The following SEPTIN14 variants were observed in gnomAD, a reference collection of about 807,000 sequenced individuals.
SEPTIN14 encodes the protein septin-14.
In SEPTIN14, 40 loss-of-function variants were observed where a neutral mutation model predicts 53.6. The observed-to-expected ratio is 0.75, with a 90% CI of 0.58 to 0.97. The LOEUF is 0.97. Among genes scored for constraint, SEPTIN14 ranks in the 50% least tolerant of loss-of-function variants. SEPTIN14 has a pLI of 0.00. For synonymous variants in SEPTIN14, 138 were observed against 166.8 expected, an observed-to-expected ratio of 0.83 and a Z score of 1.33; for missense variants, 471 against 508.2, an observed-to-expected ratio of 0.93 and a Z score of 0.70.
rs1788413022 is a variant in SEPTIN14, at chr7:55,795,395, AC to A, written c.*517del. 1 of 156,440 alleles carries A rather than the reference AC, an allele frequency of 6.4e-6. No individual in the cohort carries two copies. The highest frequency in any genetic ancestry group is 2.4e-5 in the African/African-American group (1 of 41,314). The allele number at this position is 156,440 out of a possible 1,614,324, so 9.7% of individuals were successfully genotyped here. ...TTGAAAGTCATATTTGTGTTAGTGTACGTCCTAAGTGCCAAGATACAGAATC... is the reference window on the plus strand; with the variant it reads ...TTGAAAGTCATATTTGTGTTAGTGTAGTCCTAAGTGCCAAGATACAGAATC... On this transcript the variant is annotated 3_prime_UTR_variant, in exon 10 of 10. Coordinates refer to ENST00000388975, the MANE Select transcript of SEPTIN14 (RefSeq NM_207366.3).
chr7:55,796,472 A>T (rs1269428133), intron 9 of SEPTIN14, among the ~76,000 whole-genome samples: 1 of 151,952 alleles, frequency 6.6e-6, no homozygotes, highest in Non-Finnish European at 1.5e-5. Flanking sequence ...CATGTTGGCC[A>T]GGCTGGTCTT....
At chr7:55,815,237 C>T (rs1032622043) in intron 7 of SEPTIN14, among the ~76,000 whole-genome samples, 2 of 152,014 alleles carry the variant, frequency 1.3e-5, no homozygotes, top group African/African-American at 4.8e-5. Flanking sequence ...GTGAGTAATA[C>T]CCCACAAGCA....
intron 6 of SEPTIN14, among the ~76,000 whole-genome samples, chr7:55,832,297 T>A (rs1341788448): frequency 6.6e-6 from 1 of 151,910 alleles, no homozygotes; most frequent in Non-Finnish European, 1.5e-5. Context: ...GAATAATGAA[T>A]GCTTATTCAC....
chr7:55,843,411 C>G (rs531167994), intron 4 of SEPTIN14, among the ~76,000 whole-genome samples: 452 of 152,212 alleles, frequency 3.0e-3, no homozygotes, highest in Non-Finnish European at 4.5e-3. Flanking sequence ...ACAACAACAA[C>G]AAGAAGAACA....
At chr7:55,832,202 A>AACACACAC (rs112349116) in intron 6 of SEPTIN14, among the ~76,000 whole-genome samples, 41 of 145,104 alleles carry the variant, frequency 2.8e-4, no homozygotes, top group African/African-American at 1.0e-3. Context: ...CTCTGTCTCA[A>AACACACAC]ACACACACAC....
intron 9 of SEPTIN14, among the ~76,000 whole-genome samples, chr7:55,801,297 A>G (rs970109337): frequency 1.3e-5 from 2 of 152,032 alleles, no homozygotes; most frequent in African/African-American, 2.4e-5. Context: ...ACCCTTAGAA[A>G]AACTAAGAAA....
chr7:55,849,339 A>G (rs1789479859), intron 2 of SEPTIN14, among the ~76,000 whole-genome samples: 1 of 151,562 alleles, frequency 6.6e-6, no homozygotes, highest in Non-Finnish European at 1.5e-5. Context: ...ATAAATAAAT[A>G]AAAGCAGAAA....
chr7:55,841,619 G>T (rs997390965), intron 5 of SEPTIN14, among the ~76,000 whole-genome samples: 4 of 152,100 alleles, frequency 2.6e-5, no homozygotes, highest in Non-Finnish European at 5.9e-5. Flanking sequence ...ATTTTGAGAG[G>T]CTGAGGTGGG....
At position 55,804,529 on chromosome 7, in the gene SEPTIN14, G is replaced by A. The variant is rs1488174761; in HGVS notation, c.1119+729C>T. ...CCGCCTCCATCTCCCAAAGTGCTGG[G>A]ATTATAGGTGTGAGCCACCGCACCC... is the stretch of plus-strand genomic sequence containing the variant. On this transcript the variant is annotated intron_variant, in intron 9 of 9. Coordinates refer to ENST00000388975, the MANE Select transcript of SEPTIN14 (RefSeq NM_207366.3). Among the ~76,000 whole-genome samples, 4 of 152,044 alleles carry A rather than the reference G, an allele frequency of 2.6e-5. No homozygotes were observed. The East Asian group carries it at 7.7e-4, about 29-fold the overall frequency.
At chr7:55,830,589 C>T (rs1319703704) in intron 6 of SEPTIN14, among the ~76,000 whole-genome samples, 14 of 150,456 alleles carry the variant, frequency 9.3e-5, no homozygotes, top group African/African-American at 3.1e-4. Context: ...ATGATCCGCC[C>T]GCCTTGGCCT....
At chr7:55,862,120 T>C in intron 1 of SEPTIN14, 109 bp from the exon 2 acceptor site, 1 of 657,698 alleles carries the variant, frequency 1.5e-6, no homozygotes, top group Non-Finnish European at 2.6e-6. Flanking sequence ...TTGCAAGCTT[T>C]AGTTTTTAGT....
At chr7:55,830,347 ATATTT>A (rs1340118133) in intron 6 of SEPTIN14, among the ~76,000 whole-genome samples, 5 of 50,392 alleles carry the variant, frequency 9.9e-5, no homozygotes, top group African/African-American at 6.3e-4. Flanking sequence ...ATATATATAT[ATATTT>A]TTTTTTTTTT....
intron 2 of SEPTIN14, among the ~76,000 whole-genome samples, chr7:55,860,936 C>G (rs1397200767): frequency 1.3e-5 from 2 of 152,144 alleles, no homozygotes; most frequent in Non-Finnish European, 2.9e-5. Flanking sequence ...TATAAATTAC[C>G]AAGTCTGAGG....
At chr7:55,851,107 T>C (rs779380814) in intron 2 of SEPTIN14, among the ~76,000 whole-genome samples, 28 of 152,140 alleles carry the variant, frequency 1.8e-4, no homozygotes, top group Non-Finnish European at 4.0e-4. Context: ...TTCTGCAACT[T>C]GCTTTTTTCT....
chr7:55,851,361 G>A (rs1789511917), intron 2 of SEPTIN14, among the ~76,000 whole-genome samples: 1 of 151,166 alleles, frequency 6.6e-6, no homozygotes, highest in Non-Finnish European at 1.5e-5. Flanking sequence ...GTTTTCAGTT[G>A]CTATAGTTTT....
intron 2 of SEPTIN14, among the ~76,000 whole-genome samples, chr7:55,853,533 G>T (rs1002838368): frequency 4.6e-5 from 7 of 152,144 alleles, no homozygotes; most frequent in African/African-American, 1.7e-4. Context: ...GGCTAAGAAG[G>T]GTAGTGGGGG....
chr7:55,822,876 A>T (rs1027656028), intron 6 of SEPTIN14, among the ~76,000 whole-genome samples: 3 of 147,396 alleles, frequency 2.0e-5, no homozygotes, highest in Admixed American at 6.8e-5. Context: ...AAAAAAAAAA[A>T]TCAGATAAGC....
At chr7:55,814,881 G>A (rs1788765675) in intron 7 of SEPTIN14, among the ~76,000 whole-genome samples, 1 of 152,144 alleles carries the variant, frequency 6.6e-6, no homozygotes, top group African/African-American at 2.4e-5. Context: ...CGCATTACCT[G>A]ACTTCGAATT....
chr7:55,836,088 C>T (rs1044649265), intron 5 of SEPTIN14, among the ~76,000 whole-genome samples: 4 of 151,794 alleles, frequency 2.6e-5, no homozygotes, highest in African/African-American at 9.7e-5. Context: ...TGTGTGTGTG[C>T]GCGTGTGTGT....
Sources: allele counts gnomAD v4.1 joint callset (sites outside exome capture counted in the v4.1 genomes callset), GRCh38; gene constraint gnomAD v4.1.1; transcripts MANE v1.5; gene names NCBI Gene and HGNC (gene_info 2026-07-23, HGNC 2026-07-21).